Variants in SLCO1C1 observed in about 807,000 individuals in gnomAD.
SLCO1C1 encodes solute carrier organic anion transporter family member 1C1.
Under a neutral mutation model 76.4 loss-of-function variants are expected in SLCO1C1, and 70 were observed. The ratio of observed to expected loss-of-function variants is 0.92; its 90% CI spans 0.76 to 1.12. The LOEUF (loss-of-function observed/expected upper bound fraction) is 1.12, where lower values mean the gene tolerates loss of function less well. Among genes scored for constraint, SLCO1C1 ranks in the 50% most tolerant of loss-of-function variants. The pLI is 0.00. For synonymous variants in SLCO1C1, 306 were observed against 286.1 expected, an observed-to-expected ratio of 1.07 and a Z score of -0.70; for missense variants, 912 against 823.8, an observed-to-expected ratio of 1.11 and a Z score of -1.31.
intron 9 of SLCO1C1, among the ~76,000 whole-genome samples, chr12:20,730,851 C>T (rs1294918586): frequency 6.6e-6 from 1 of 152,160 alleles, no homozygotes; most frequent in Non-Finnish European, 1.5e-5. Flanking sequence ...TGCACAACGG[C>T]TGAGACACAT....
chr12:20,708,269 T>C (rs1485180774), intron 4 of SLCO1C1, among the ~76,000 whole-genome samples: 1 of 152,184 alleles, frequency 6.6e-6, no homozygotes, highest in Non-Finnish European at 1.5e-5. Flanking sequence ...TTTTATGTAT[T>C]AGCTCATTTA....
intron 9 of SLCO1C1, among the ~76,000 whole-genome samples, chr12:20,724,770 T>C (rs1399950203): frequency 7.4e-5 from 11 of 147,770 alleles, no homozygotes; most frequent in African/African-American, 2.2e-4. Flanking sequence ...CCACAGTTTA[T>C]TCATTTTATA....
At position 20,752,884 on chromosome 12, in the gene SLCO1C1, T is replaced by A. The variant is rs141501475; in HGVS notation, c.*356T>A. The A allele has an allele frequency of 6.2e-6, 1 of 160,414 alleles. No homozygotes were observed. The highest frequency in any genetic ancestry group is 6.2e-5 in the Admixed American group (1 of 16,178). The allele number at this position is 160,414 out of a possible 1,614,324, so 9.9% of individuals were successfully genotyped here. On this transcript the variant is annotated 3_prime_UTR_variant, in exon 15 of 15. Coordinates refer to ENST00000266509, the MANE Select transcript of SLCO1C1 (RefSeq NM_017435.5). Reference sequence around the variant, plus strand: ...TTAAAGTAATTTCTGAACTGTGTAATGTGTCTAGAGTAAGCAAATACTGCT... The same window carrying A: ...TTAAAGTAATTTCTGAACTGTGTAAAGTGTCTAGAGTAAGCAAATACTGCT...
chr12:20,730,536 T>C (rs1948220091), intron 9 of SLCO1C1, among the ~76,000 whole-genome samples: 1 of 152,288 alleles, frequency 6.6e-6, no homozygotes, highest in Middle Eastern at 3.4e-3. Flanking sequence ...ATTTTTGAAA[T>C]AGTAATCAGG....
At chr12:20,741,498 T>A (rs776452665) in intron 12 of SLCO1C1, among the ~76,000 whole-genome samples, 1 of 152,148 alleles carries the variant, frequency 6.6e-6, no homozygotes, top group Non-Finnish European at 1.5e-5. Context: ...ACCTAAAAAA[T>A]AGTGATTTGA....
At position 20,719,078 on chromosome 12, in the gene SLCO1C1, C is replaced by T. The variant is rs567198626; in HGVS notation, c.775+1848C>T. ...GTCTCCGTGTCACATTTTGGTAATT[C>T]TCCTAATATCGCAAGCTTTTACTAT... On this transcript the variant is annotated intron_variant, in intron 7 of 14. Coordinates refer to ENST00000266509, the MANE Select transcript of SLCO1C1 (RefSeq NM_017435.5). Among the ~76,000 whole-genome samples the T allele has an allele frequency of 2.0e-5, 3 of 150,216 alleles. No individual in the cohort carries two copies. In the South Asian group the frequency reaches 6.3e-4, roughly 32 times the overall value.
chr12:20,745,771 G>A lies in SLCO1C1; in HGVS notation c.1798+2402G>A, dbSNP rs537104330. Among the ~76,000 whole-genome samples the A allele has an allele frequency of 1.2e-3, 186 of 151,788 alleles. 4 individuals carry two copies. The South Asian group carries it at 0.017, about 14-fold the overall frequency. On this transcript the variant is annotated intron_variant, in intron 13 of 14. Transcript: ENST00000266509. ...ACCTGGTAGGCAGAGGTTGCAGTGA[G>A]CTGAGATCACACCACTGCACTCCAG...
intron 3 of SLCO1C1, among the ~76,000 whole-genome samples, chr12:20,702,542 T>C (rs898433668): frequency 2.6e-5 from 4 of 151,942 alleles, no homozygotes; most frequent in African/African-American, 9.7e-5. Context: ...AATAAGCTCC[T>C]AAATGATACT....
intron 9 of SLCO1C1, among the ~76,000 whole-genome samples, chr12:20,724,987 ATAAT>A (rs1448862206): frequency 1.4e-5 from 2 of 142,008 alleles, no homozygotes; most frequent in African/African-American, 5.1e-5. Context: ...GATAGTATAA[ATAAT>A]TACATTATAA....
At chr12:20,708,619 C>A (rs1255380903) in intron 4 of SLCO1C1, among the ~76,000 whole-genome samples, 1 of 152,150 alleles carries the variant, frequency 6.6e-6, no homozygotes, top group East Asian at 1.9e-4. Context: ...GGAAAGAAGA[C>A]TTCTAGCCTA....
At chr12:20,743,753 G>A (rs1175944594) in intron 13 of SLCO1C1, among the ~76,000 whole-genome samples, 2 of 151,952 alleles carry the variant, frequency 1.3e-5, no homozygotes, top group Admixed American at 1.3e-4. Flanking sequence ...TATTAAAATG[G>A]AAAGAATTCC....
chr12:20,750,823 T>C (rs10841611), intron 14 of SLCO1C1, 31 bp downstream of exon 14: 872,827 of 1,613,356 alleles, frequency 0.54, 241,860 homozygotes, highest in South Asian at 0.63. Context: ...CCGCATCTCA[T>C]TGCTACAGCA....
chr12:20,751,534 T>C (rs2900456), intron 14 of SLCO1C1, among the ~76,000 whole-genome samples: 83,384 of 152,020 alleles, frequency 0.55, 24,431 homozygotes, highest in Non-Finnish European at 0.65. Context: ...CACACCATTT[T>C]GAATAAATTT....
At chr12:20,717,081 A>G (rs781065459) in intron 6 of SLCO1C1, 51 bp from the exon 7 acceptor site, 1 of 1,477,652 alleles carries the variant, frequency 6.8e-7, no homozygotes, top group Admixed American at 1.9e-5. Context: ...TTAATTTATC[A>G]AAGTAAAGAA....
At chr12:20,725,426 T>A (rs1468671306) in intron 9 of SLCO1C1, among the ~76,000 whole-genome samples, 1 of 145,674 alleles carries the variant, frequency 6.9e-6, no homozygotes, top group African/African-American at 2.5e-5. Context: ...TATAGTAACA[T>A]CTGGTATTAT....
In SLCO1C1 at chr12:20,705,945, A is replaced by C; in HGVS notation, c.272-4A>C. 1 of 1,612,266 alleles carries C rather than the reference A, an allele frequency of 6.2e-7. No individual in the cohort carries two copies. Among genetic ancestry groups the C allele is most frequent in the Non-Finnish European group, 8.5e-7 (1 of 1,178,950 alleles). The stretch of plus-strand genomic sequence containing the variant: ...TTTATGATGTTTTATTCTTTTCCTC[A>C]AAGGGAATCTCTTAGTTATAACATT... On this transcript the variant is annotated splice_region_variant and splice_polypyrimidine_tract_variant and intron_variant, in intron 3 of 14. Transcript: ENST00000266509.
At chr12:20,733,139 G>A (rs1948373222) in intron 10 of SLCO1C1, 35 bp downstream of exon 10, 1 of 1,486,842 alleles carries the variant, frequency 6.7e-7, no homozygotes, top group Non-Finnish European at 8.9e-7. Context: ...GAGGATATTG[G>A]TTTGTTTAAT....
chr12:20,721,392 T>A (rs562435118), intron 7 of SLCO1C1, among the ~76,000 whole-genome samples: 1 of 152,208 alleles, frequency 6.6e-6, no homozygotes, highest in Admixed American at 6.5e-5. Context: ...TGAGATGGGA[T>A]CCTGTACCAG....
chr12:20,708,583 A>T (rs1219162765), intron 4 of SLCO1C1, among the ~76,000 whole-genome samples: 2 of 152,156 alleles, frequency 1.3e-5, no homozygotes, highest in African/African-American at 4.8e-5. Flanking sequence ...TGATAATAGT[A>T]AAGAGGACAG....
Sources: gnomAD v4.1 joint callset for allele counts (sites outside exome capture counted in the v4.1 genomes callset) on GRCh38, gnomAD v4.1.1 for gene constraint, MANE v1.5 for transcripts, NCBI Gene and HGNC (gene_info 2026-07-23, HGNC 2026-07-21) for gene names.